The following WWOX variants were observed in gnomAD, a reference collection of about 807,000 sequenced individuals.
WWOX encodes WW domain-containing oxidoreductase.
A neutral mutation model predicts 46.2 loss-of-function variants in WWOX; 69 were observed. That is an observed-to-expected ratio of 1.49 (90% CI 1.23 to 1.82). The LOEUF is 1.82. Ranked by LOEUF, WWOX falls within the 40% of genes most tolerant of loss-of-function variation. WWOX has a pLI of 0.00. For synonymous variants in WWOX, 359 were observed against 202.6 expected, an observed-to-expected ratio of 1.77 and a Z score of -6.56; for missense variants, 919 against 542.6, an observed-to-expected ratio of 1.69 and a Z score of -6.89.
At chr16:78,480,881 A>G (rs777711224) in intron 8 of WWOX, among the ~76,000 whole-genome samples, 9 of 152,252 alleles carry the variant, frequency 5.9e-5, no homozygotes, top group Non-Finnish European at 1.3e-4. Context: ...AGCAACCGTC[A>G]CAGAATGAAC....
intron 5 of WWOX, among the ~76,000 whole-genome samples, chr16:78,319,009 G>A (rs1233339043): frequency 6.6e-6 from 1 of 152,168 alleles, no homozygotes; most frequent in Admixed American, 6.5e-5. Flanking sequence ...TCAAGTTACT[G>A]ATCCTGCGAA....
chr16:78,965,906 A>G lies in WWOX; in HGVS notation c.1057-245702A>G, dbSNP rs541448047. On this transcript the variant is annotated intron_variant, in intron 8 of 8. Transcript: ENST00000566780. The stretch of plus-strand genomic sequence containing the variant: ...AAGCAGTATTGCCGTGGTTTATACA[A>G]TTGGACGAAATGGGTGATCTAATTT... 1.3e-4 allele frequency among the ~76,000 whole-genome samples: 20 copies of G among 152,310 alleles called. No homozygotes were observed. The East Asian group carries it at 2.9e-3, about 22-fold the overall frequency.
intron 8 of WWOX, chr16:78,496,230 G>T (rs961891129): frequency 1.3e-5 from 2 of 152,266 alleles, no homozygotes; most frequent in Admixed American, 6.5e-5. Context: ...GTCCTCAGAA[G>T]GCAGCAGTGT....
intron 8 of WWOX, among the ~76,000 whole-genome samples, chr16:78,720,851 C>A (rs974115185): frequency 2.0e-5 from 3 of 152,058 alleles, no homozygotes; most frequent in African/African-American, 7.2e-5. Flanking sequence ...AGAAATTAGA[C>A]AGGAGCTACA....
chr16:78,494,459 T>C (rs2084860435), intron 8 of WWOX, among the ~76,000 whole-genome samples: 1 of 144,662 alleles, frequency 6.9e-6, no homozygotes, highest in South Asian at 2.4e-4. Context: ...TTGGATGGTT[T>C]AATAAATAAG....
chr16:78,452,019 C>T (rs1028468859), intron 8 of WWOX, among the ~76,000 whole-genome samples: 1 of 152,172 alleles, frequency 6.6e-6, no homozygotes, highest in Non-Finnish European at 1.5e-5. Context: ...TTTAGTGACT[C>T]TAATACATTA....
At chr16:78,866,712 A>G (rs1446161064) in intron 8 of WWOX, among the ~76,000 whole-genome samples, 2 of 152,196 alleles carry the variant, frequency 1.3e-5, no homozygotes, top group Non-Finnish European at 2.9e-5. Flanking sequence ...CACGCAAATC[A>G]AGGACATTGG....
At chr16:78,370,977 TTTC>T (rs1167239813) in intron 5 of WWOX, among the ~76,000 whole-genome samples, 1 of 46,466 alleles carries the variant, frequency 2.2e-5, no homozygotes, top group Non-Finnish European at 9.4e-5. Flanking sequence ...TGTGTTGTGA[TTTC>T]TTTTTTTTTT....
Position 78,803,255 on chromosome 16 carries a change from T to C in WWOX, c.1056+370503T>C, listed in dbSNP as rs76590391. On this transcript the variant is annotated intron_variant, in intron 8 of 8. Coordinates refer to ENST00000566780, the MANE Select transcript of WWOX (RefSeq NM_016373.4). Reference sequence around the variant, plus strand: ...GAAGAAGTGAGAGTTTTTTTTTTTTTCCTCTCCAAACCACCACGTGCTCTT... The same window carrying C: ...GAAGAAGTGAGAGTTTTTTTTTTTTCCCTCTCCAAACCACCACGTGCTCTT... 8.6e-5 allele frequency among the ~76,000 whole-genome samples: 13 copies of C among 151,718 alleles called. No individual in the cohort carries two copies. The East Asian group carries it at 1.2e-3, about 14-fold the overall frequency.
chr16:78,847,879 A>C (rs773325152), intron 8 of WWOX, among the ~76,000 whole-genome samples: 6 of 152,188 alleles, frequency 3.9e-5, no homozygotes, highest in Non-Finnish European at 7.3e-5. Flanking sequence ...CAGAGGCATG[A>C]CAAGCGGTCA....
chr16:79,208,855 A>G (rs368645376), intron 8 of WWOX, among the ~76,000 whole-genome samples: 1 of 152,288 alleles, frequency 6.6e-6, no homozygotes, highest in East Asian at 1.9e-4. Flanking sequence ...TCTCCAAGAG[A>G]CCAAAGGTGT....
chr16:79,160,820 ATG>A (rs1176071733), intron 8 of WWOX, among the ~76,000 whole-genome samples: 2 of 152,210 alleles, frequency 1.3e-5, no homozygotes, highest in African/African-American at 4.8e-5. Context: ...TTCTGTGTAT[ATG>A]TAGACATGTA....
chr16:79,058,771 AT>A (rs2048310085), intron 8 of WWOX, among the ~76,000 whole-genome samples: 1 of 152,210 alleles, frequency 6.6e-6, no homozygotes, highest in African/African-American at 2.4e-5. Context: ...CTAAAATATT[AT>A]TTTATTCTAT....
chr16:78,777,881 C>G (rs1291861379), intron 8 of WWOX, among the ~76,000 whole-genome samples: 2 of 151,608 alleles, frequency 1.3e-5, no homozygotes, highest in Non-Finnish European at 2.9e-5. Context: ...CCTGTCTGTA[C>G]AAAAAATATA....
chr16:78,100,255 T>C, intron 1 of WWOX: 3 of 1,103,832 alleles, frequency 2.7e-6, no homozygotes, highest in Non-Finnish European at 2.2e-6. Context: ...TTTTGTTGTG[T>C]TTTGTTTTGT....
intron 8 of WWOX, among the ~76,000 whole-genome samples, chr16:78,955,509 G>A (rs530582876): frequency 2.6e-5 from 4 of 152,122 alleles, no homozygotes; most frequent in Non-Finnish European, 4.4e-5. Flanking sequence ...AGTTCACCTC[G>A]TGTAAGCACA....
At chr16:78,601,346 A>C (rs1375580613) in intron 8 of WWOX, among the ~76,000 whole-genome samples, 1 of 152,066 alleles carries the variant, frequency 6.6e-6, no homozygotes, top group Non-Finnish European at 1.5e-5. Flanking sequence ...AGAGACACTC[A>C]GGCTTAGCTC....
At chr16:78,220,406 A>G (rs1220846979) in intron 5 of WWOX, among the ~76,000 whole-genome samples, 2 of 42,116 alleles carry the variant, frequency 4.7e-5, no homozygotes, top group African/African-American at 5.7e-4. Context: ...TAACAAACAT[A>G]TAACAATGCT....
At chr16:79,145,762 T>G (rs377029006) in intron 8 of WWOX, among the ~76,000 whole-genome samples, 3 of 152,252 alleles carry the variant, frequency 2.0e-5, no homozygotes, top group East Asian at 3.9e-4. Flanking sequence ...TGGCTAGATG[T>G]AAGGTAAATA....
Sources: allele counts gnomAD v4.1 joint callset (sites outside exome capture counted in the v4.1 genomes callset), GRCh38; gene constraint gnomAD v4.1.1; transcripts MANE v1.5; gene names NCBI Gene and HGNC (gene_info 2026-07-23, HGNC 2026-07-21).